WDR25: variants seen among roughly 807,000 people sequenced by gnomAD.
WDR25 encodes WD repeat-containing protein 25.
Under a neutral mutation model 47.7 loss-of-function variants are expected in WDR25, and 35 were observed. The observed-to-expected ratio is 0.73, with a 90% CI of 0.56 to 0.97. The LOEUF is 0.97. Among genes scored for constraint, WDR25 ranks in the 50% least tolerant of loss-of-function variants. WDR25 has a pLI of 0.00. For synonymous variants in WDR25, 248 were observed against 278.9 expected, an observed-to-expected ratio of 0.89 and a Z score of 1.10; for missense variants, 634 against 704.7, an observed-to-expected ratio of 0.90 and a Z score of 1.14.
chr14:100,517,445 C>G (rs1388891839), intron 4 of WDR25, among the ~76,000 whole-genome samples: 1 of 152,028 alleles, frequency 6.6e-6, no homozygotes, highest in Non-Finnish European at 1.5e-5. Context: ...GGTTATGTCT[C>G]TTTGTATTAT....
At chr14:100,435,991 TA>T in intron 2 of WDR25, among the ~76,000 whole-genome samples, 1 of 152,164 alleles carries the variant, frequency 6.6e-6, no homozygotes, top group East Asian at 1.9e-4. Flanking sequence ...AGCAAATCAT[TA>T]ATCTTTTTGG....
At chr14:100,418,486 G>T (rs576055586) in intron 2 of WDR25, among the ~76,000 whole-genome samples, 1 of 151,964 alleles carries the variant, frequency 6.6e-6, no homozygotes, top group East Asian at 2.0e-4. Flanking sequence ...ACAAAAATTA[G>T]CTGGGCGTGG....
chr14:100,471,437 G>T (rs1899829694), intron 3 of WDR25, among the ~76,000 whole-genome samples: 1 of 152,214 alleles, frequency 6.6e-6, no homozygotes, highest in Admixed American at 6.5e-5. Flanking sequence ...TTTGGTAAGT[G>T]CTCTCTTTAG....
At chr14:100,432,513 A>G (rs879598719) in intron 2 of WDR25, among the ~76,000 whole-genome samples, 8 of 152,254 alleles carry the variant, frequency 5.3e-5, no homozygotes, top group Non-Finnish European at 1.2e-4. Flanking sequence ...AGGCTTACGG[A>G]AGAGTTGCAA....
chr14:100,427,092 TG>T (rs1428507966), intron 2 of WDR25, among the ~76,000 whole-genome samples: 2 of 152,122 alleles, frequency 1.3e-5, no homozygotes, highest in Non-Finnish European at 2.9e-5. Context: ...CCTGCCACCT[TG>T]GGGCCCTCCT....
intron 3 of WDR25, chr14:100,481,403 G>A (rs1900197829): frequency 1.1e-6 from 1 of 916,926 alleles, no homozygotes. Flanking sequence ...TAAGAAGGAG[G>A]GAATCCCACC....
At chr14:100,505,581 GTATTTC>G (rs1230145435) in intron 4 of WDR25, among the ~76,000 whole-genome samples, 11 of 152,054 alleles carry the variant, frequency 7.2e-5, no homozygotes, top group Admixed American at 5.2e-4. Flanking sequence ...CTTTACATTC[GTATTTC>G]AATTTTACAA....
intron 2 of WDR25, among the ~76,000 whole-genome samples, chr14:100,453,509 A>G (rs375293114): frequency 1.3e-5 from 2 of 152,238 alleles, no homozygotes; most frequent in Non-Finnish European, 2.9e-5. Flanking sequence ...GCATGTAGTA[A>G]CATGCTCAAT....
In WDR25 at chr14:100,381,155, C is replaced by T. The variant is rs1896880808; in HGVS notation, c.231C>T (p.Arg77=). The T allele has an allele frequency of 1.9e-6, 3 of 1,614,102 alleles. No individual in the cohort carries two copies. ...CCTGTGAAGACCCAGGGGGCTATCG[C>T]CTTCCATTGGCTCAGCTTGGGAGAA... is the stretch of plus-strand genomic sequence containing the variant. ...HGSCEDPGGY[R]LPLAQLGRSD... Residue 77 remains arginine, a synonymous_variant, in exon 2 of 7, where the codon CGC becomes CGT. Coordinates refer to ENST00000402312, the MANE Select transcript of WDR25 (RefSeq NM_001161476.3).
chr14:100,529,552 G>T lies in WDR25; in HGVS notation c.1414-268G>T. 1.7e-6 allele frequency: 1 copy of T among 593,794 alleles called. No homozygotes were observed. Among genetic ancestry groups the T allele is most frequent in the Non-Finnish European group, 3.0e-6 (1 of 335,660 alleles). 36.8% of individuals were successfully genotyped at this position (593,794 alleles called of 1,614,324 possible). ...GCCTTGCTGGGGTGGAAGGGGCTGG[G>T]TGCTTAGTGACTGTCACTGAGGCCA... On this transcript the variant is annotated intron_variant, in intron 6 of 6. Coordinates refer to ENST00000402312, the MANE Select transcript of WDR25 (RefSeq NM_001161476.3). This position sits in a 1 kb window ranked among gnomAD's most constrained non-coding sequence, Gnocchi z 5.1.
intron 2 of WDR25, among the ~76,000 whole-genome samples, chr14:100,461,722 T>C (rs1899420513): frequency 6.6e-6 from 1 of 152,084 alleles, no homozygotes; most frequent in Admixed American, 6.5e-5. Context: ...TCTCTAAAAT[T>C]ATTTTCTGGG....
At chr14:100,402,793 C>T (rs1897418269) in intron 2 of WDR25, among the ~76,000 whole-genome samples, 2 of 152,132 alleles carry the variant, frequency 1.3e-5, no homozygotes, top group African/African-American at 4.8e-5. Flanking sequence ...CCTGTGAGCT[C>T]CAGAGGAAGT....
intron 4 of WDR25, among the ~76,000 whole-genome samples, chr14:100,510,291 T>G (rs2140362072): frequency 6.6e-6 from 1 of 151,096 alleles, no homozygotes; most frequent in East Asian, 2.0e-4. Flanking sequence ...AAATTAATTT[T>G]TAGAGACAAG....
chr14:100,457,034 T>A (rs1437570455), intron 2 of WDR25, among the ~76,000 whole-genome samples: 1 of 151,314 alleles, frequency 6.6e-6, no homozygotes. Flanking sequence ...CTCGGGTCAC[T>A]GCAACCTCCG....
intron 2 of WDR25, among the ~76,000 whole-genome samples, chr14:100,435,532 G>A (rs181839334): frequency 1.1e-4 from 16 of 152,280 alleles, no homozygotes; most frequent in African/African-American, 3.6e-4. Flanking sequence ...TGGAGATCAC[G>A]GAAAGAGAAG....
At chr14:100,447,701 T>G (rs1898883414) in intron 2 of WDR25, among the ~76,000 whole-genome samples, 1 of 152,124 alleles carries the variant, frequency 6.6e-6, no homozygotes, top group Non-Finnish European at 1.5e-5. Flanking sequence ...GGCCTAATGA[T>G]TTTCAAAAAC....
At chr14:100,520,427 CTT>C (rs746302164) in intron 4 of WDR25, among the ~76,000 whole-genome samples, 7 of 152,078 alleles carry the variant, frequency 4.6e-5, no homozygotes, top group Non-Finnish European at 8.8e-5. Context: ...ACTGAAAACA[CTT>C]TAAGATTTCT....
chr14:100,485,933 A>G (rs1236955013), intron 4 of WDR25, among the ~76,000 whole-genome samples: 1 of 152,056 alleles, frequency 6.6e-6, no homozygotes, highest in Non-Finnish European at 1.5e-5. Context: ...GGGAGCATAG[A>G]TAGATGTAGT....
At chr14:100,436,925 A>G (rs1171799830) in intron 2 of WDR25, among the ~76,000 whole-genome samples, 1 of 152,210 alleles carries the variant, frequency 6.6e-6, no homozygotes, top group Non-Finnish European at 1.5e-5. Flanking sequence ...GCCACAGCAT[A>G]TGCTGAGCCA....
Sources: allele counts gnomAD v4.1 joint callset (sites outside exome capture counted in the v4.1 genomes callset), GRCh38; gene constraint gnomAD v4.1.1; non-coding constraint Gnocchi (gnomAD v3.1); transcripts MANE v1.5; gene names NCBI Gene and HGNC (gene_info 2026-07-23, HGNC 2026-07-21).